LPP: variants seen among roughly 807,000 people sequenced by gnomAD.
LPP encodes lipoma-preferred partner.
LPP carries 38 observed loss-of-function variants against 60.4 expected under a neutral mutation model. The observed-to-expected ratio is 0.63, with a 90% CI of 0.49 to 0.83. LPP has a LOEUF of 0.83. LPP is among the 40% of genes least tolerant of loss of function. The pLI is 0.00. For missense variants in LPP, 902 were observed against 783.6 expected (o/e 1.15, Z -1.80); for synonymous variants, 328 against 290.8 (o/e 1.13, Z -1.30).
At chr3:188,779,206 TC>T (rs1738809491) in intron 9 of LPP, among the ~76,000 whole-genome samples, 1 of 152,242 alleles carries the variant, frequency 6.6e-6, no homozygotes, top group Non-Finnish European at 1.5e-5. Flanking sequence ...ATTTGCCACC[TC>T]CCCTTCTGAA....
intron 2 of LPP, among the ~76,000 whole-genome samples, chr3:188,274,942 A>G (rs2149831215): frequency 6.6e-6 from 1 of 152,320 alleles, no homozygotes; most frequent in Non-Finnish European, 1.5e-5. Context: ...TAGGAGTCTG[A>G]CTGAAGGAAC....
At chr3:188,769,129 T>C (rs988817364) in intron 9 of LPP, among the ~76,000 whole-genome samples, 2 of 152,220 alleles carry the variant, frequency 1.3e-5, no homozygotes, top group African/African-American at 4.8e-5. Context: ...GGTAAAACTT[T>C]AAAACGTATA....
At chr3:188,297,771 A>G (rs1273147885) in intron 2 of LPP, among the ~76,000 whole-genome samples, 1 of 152,254 alleles carries the variant, frequency 6.6e-6, no homozygotes, top group East Asian at 1.9e-4. Flanking sequence ...GTGAAACAAT[A>G]AGGATATGTT....
intron 4 of LPP, among the ~76,000 whole-genome samples, chr3:188,435,712 C>G (rs1792125227): frequency 1.3e-5 from 2 of 152,126 alleles, no homozygotes. Context: ...TGTGATGTCA[C>G]TTTCTGAATC....
chr3:188,422,913 T>TTGTG (rs10689970), intron 4 of LPP, among the ~76,000 whole-genome samples: 19,201 of 133,684 alleles, frequency 0.14, 1,475 homozygotes, highest in Middle Eastern at 0.23. Flanking sequence ...GGTGTCTTCT[T>TTGTG]TGTGTGTGTG....
intron 9 of LPP, among the ~76,000 whole-genome samples, chr3:188,764,845 C>G (rs1449527001): frequency 1.3e-5 from 2 of 152,178 alleles, no homozygotes; most frequent in Non-Finnish European, 2.9e-5. Context: ...AACTCTCTGA[C>G]AGCAGAAGGT....
At chr3:188,831,522 A>G (rs1275505738) in intron 9 of LPP, among the ~76,000 whole-genome samples, 1 of 152,144 alleles carries the variant, frequency 6.6e-6, no homozygotes, top group African/African-American at 2.4e-5. Context: ...GTAGCATATA[A>G]CAAGGATACA....
chr3:188,823,249 A>G lies in LPP; in HGVS notation c.1411-42951A>G, dbSNP rs73888921. 7.5e-3 allele frequency among the ~76,000 whole-genome samples: 1,137 copies of G among 152,272 alleles called. 12 individuals are homozygous for G. The highest frequency in any genetic ancestry group is 0.026 in the African/African-American group (1,071 of 41,556). ...GACAGAAAGCATCTTACTTTGCTCA[A>G]GCTGGACCTTTGTCATTTGAAGGAT... On this transcript the variant is annotated intron_variant, in intron 9 of 11. Coordinates refer to ENST00000617246, the MANE Select transcript of LPP (RefSeq NM_001375462.1).
chr3:188,211,534 C>G (rs955425951), intron 1 of LPP, among the ~76,000 whole-genome samples: 2 of 152,178 alleles, frequency 1.3e-5, no homozygotes, highest in African/African-American at 2.4e-5. Flanking sequence ...ATCTCTCTTT[C>G]TCCTCCTTTA....
At chr3:188,635,042 C>G (rs1848476583) in intron 7 of LPP, among the ~76,000 whole-genome samples, 1 of 152,062 alleles carries the variant, frequency 6.6e-6, no homozygotes, top group Non-Finnish European at 1.5e-5. Flanking sequence ...CACTCCATCT[C>G]CCTAATGTGG....
chr3:188,691,921 A>T (rs1488066423), intron 7 of LPP, among the ~76,000 whole-genome samples: 4 of 151,984 alleles, frequency 2.6e-5, no homozygotes, highest in African/African-American at 9.7e-5. Flanking sequence ...TAAGGAGTGG[A>T]TGGGAAGTAT....
chr3:188,439,526 C>T (rs1793246869), intron 4 of LPP, among the ~76,000 whole-genome samples: 1 of 152,206 alleles, frequency 6.6e-6, no homozygotes, highest in Non-Finnish European at 1.5e-5. Context: ...CACTTGCTGT[C>T]TAACAAAAGT....
chr3:188,823,553 T>C (rs1011615814), intron 9 of LPP, among the ~76,000 whole-genome samples: 1 of 152,104 alleles, frequency 6.6e-6, no homozygotes. Context: ...CAAATGAAAA[T>C]GTTTCGTTTT....
chr3:188,679,092 C>G (rs945524258), intron 7 of LPP, among the ~76,000 whole-genome samples: 5 of 152,178 alleles, frequency 3.3e-5, no homozygotes, highest in East Asian at 1.9e-4. Flanking sequence ...AAGGAAGAAG[C>G]AGTGCTGGGC....
intron 9 of LPP, among the ~76,000 whole-genome samples, chr3:188,850,738 A>C (rs1329069164): frequency 6.6e-6 from 1 of 152,200 alleles, no homozygotes; most frequent in Non-Finnish European, 1.5e-5. Flanking sequence ...GACTGCATTC[A>C]TCTAAAGAGG....
intron 6 of LPP, among the ~76,000 whole-genome samples, chr3:188,600,835 G>A (rs1295284685): frequency 1.3e-5 from 2 of 151,582 alleles, no homozygotes; most frequent in African/African-American, 2.4e-5. Flanking sequence ...TTTGTAACTG[G>A]CTTGTTTCTT....
At chr3:188,582,335 T>G (rs1372971717) in intron 6 of LPP, among the ~76,000 whole-genome samples, 1 of 151,650 alleles carries the variant, frequency 6.6e-6, no homozygotes, top group Non-Finnish European at 1.5e-5. Context: ...TTTTTTTTTC[T>G]TTTTTCTTTT....
chr3:188,640,294 C>T (rs1426827615), intron 7 of LPP, among the ~76,000 whole-genome samples: 1 of 148,746 alleles, frequency 6.7e-6, no homozygotes, highest in Non-Finnish European at 1.5e-5. Context: ...CACATATTCT[C>T]ACTTATAGGT....
At chr3:188,388,783 T>TTTAAG (rs1283081899) in intron 3 of LPP, among the ~76,000 whole-genome samples, 5 of 152,210 alleles carry the variant, frequency 3.3e-5, no homozygotes, top group African/African-American at 1.2e-4. Context: ...AGCAGTAACT[T>TTTAAG]TTAAGTTTAC....
Sources: gnomAD v4.1 joint callset for allele counts (sites outside exome capture counted in the v4.1 genomes callset) on GRCh38, gnomAD v4.1.1 for gene constraint, MANE v1.5 for transcripts, NCBI Gene and HGNC (gene_info 2026-07-23, HGNC 2026-07-21) for gene names.